The following UFSP2 variants were observed in gnomAD, a reference collection of about 807,000 sequenced individuals.
The protein encoded by UFSP2 is UFM1 specific peptidase 2, also known as ufm1-specific protease 2.
Under a neutral mutation model 60.2 loss-of-function variants are expected in UFSP2, and 43 were observed. That is an observed-to-expected ratio of 0.71 (90% CI 0.56 to 0.92). The LOEUF (loss-of-function observed/expected upper bound fraction) is 0.92. Among genes scored for constraint, UFSP2 ranks in the 40% least tolerant of loss-of-function variants. The pLI is 0.00. For missense variants in UFSP2, 520 were observed against 575.0 expected (o/e 0.90, Z 0.98); for synonymous variants, 183 against 195.1 (o/e 0.94, Z 0.52).
In UFSP2 at chr4:185,418,509, T is replaced by G; in HGVS notation, c.267-2A>C. On this transcript the variant is annotated splice_acceptor_variant, in intron 3 of 11. Coordinates refer to ENST00000264689, the MANE Select transcript of UFSP2 (RefSeq NM_018359.5). LOFTEE classifies it high-confidence loss of function. ...TTTATATCTTCTTCTGGCTCAAATC[T>G]AAATTTTTAATACACAGACATTTAT... is the stretch of plus-strand genomic sequence containing the variant. 6.2e-7 allele frequency: 1 copy of G among 1,611,432 alleles called. No homozygotes were observed. The highest frequency in any genetic ancestry group is 8.5e-7 in the Non-Finnish European group (1 of 1,178,924).
intron 11 of UFSP2, chr4:185,402,254 C>T (rs761344399): frequency 6.6e-6 from 3 of 452,254 alleles, no homozygotes; most frequent in Non-Finnish European, 1.3e-5. Flanking sequence ...ATGGAATGAA[C>T]ACCTTGCTAC....
At chr4:185,425,346 T>G (rs567961495) in intron 1 of UFSP2, among the ~76,000 whole-genome samples, 12 of 152,168 alleles carry the variant, frequency 7.9e-5, no homozygotes, top group Admixed American at 4.6e-4. Context: ...GAGGCACGGT[T>G]AGCAGATTTG....
In UFSP2 at chr4:185,415,290, A is replaced by G. The variant is rs1249907554; in HGVS notation, c.549T>C (p.Cys183=). ...IHNQLTDMEK[C]ILKYMKGTSI... The stretch of plus-strand genomic sequence containing the variant: ...ATGTTCCTTTCATATATTTCAAAAT[A>G]CATTTTTCCATGTCAGTTAGTTGAT... Residue 183 remains cysteine (C), a synonymous_variant, in exon 6 of 12, where the codon TGT becomes TGC. Coordinates refer to ENST00000264689, the MANE Select transcript of UFSP2 (RefSeq NM_018359.5). The G allele has an allele frequency of 6.2e-7, 1 of 1,601,948 alleles. No homozygotes were observed. The highest frequency in any genetic ancestry group is 1.3e-5 in the African/African-American group (1 of 74,192).
intron 7 of UFSP2, among the ~76,000 whole-genome samples, chr4:185,409,384 C>T (rs1312266685): frequency 6.6e-6 from 1 of 151,938 alleles, no homozygotes; most frequent in Non-Finnish European, 1.5e-5. Flanking sequence ...GAGATTGGGT[C>T]ACACTATGTT....
At position 185,400,128 on chromosome 4, in the gene UFSP2, C is replaced by A; in HGVS notation, c.*264G>T. On this transcript the variant is annotated 3_prime_UTR_variant, in exon 12 of 12. Transcript: ENST00000264689. Reference sequence around the variant, plus strand: ...GTGTCTAATCTCCTTCTGAGAAGGACGAAAAACTTTCTTCCAAGTGAAGAT... The same window carrying A: ...GTGTCTAATCTCCTTCTGAGAAGGAAGAAAAACTTTCTTCCAAGTGAAGAT... 2.9e-6 allele frequency: 3 copies of A among 1,040,026 alleles called. No individual in the cohort carries two copies. Among genetic ancestry groups the A allele is most frequent in the South Asian group, 1.5e-5 (1 of 66,418 alleles). The allele number at this position is 1,040,026 out of a possible 1,614,324, so 64.4% of individuals were successfully genotyped here. A position where few individuals can be genotyped will look rare whatever the true frequency, so the allele number is the denominator to read the frequency against.
At chr4:185,404,166 C>G (rs181835053) in intron 10 of UFSP2, among the ~76,000 whole-genome samples, 1 of 151,878 alleles carries the variant, frequency 6.6e-6, no homozygotes, top group Admixed American at 6.6e-5. Context: ...CATATAATTA[C>G]CTAAAATGGA....
At chr4:185,401,384 C>CA (rs1290199865) in intron 11 of UFSP2, among the ~76,000 whole-genome samples, 2 of 152,134 alleles carry the variant, frequency 1.3e-5, no homozygotes, top group African/African-American at 4.8e-5. Context: ...TCTTAACAGA[C>CA]AGAGAAAAAA....
At position 185,408,046 on chromosome 4, in the gene UFSP2, G is replaced by A. The variant is rs780061245; in HGVS notation, c.1011C>T (p.Ala337=). ...CGACAAATGTTGCTGGTTTGTCCCC[G>A]GCATCGACTAGAGCCTTGATGTATT... The part of the protein sequence containing the change: ...HREIQQALVD[A]GDKPATFVGS... Residue 337 remains alanine (A), a synonymous_variant, in exon 9 of 12, where the codon GCC becomes GCT. Coordinates refer to ENST00000264689, the MANE Select transcript of UFSP2 (RefSeq NM_018359.5). 15 of 1,613,656 alleles carry A rather than the reference G, an allele frequency of 9.3e-6. No homozygotes were observed. The highest frequency in any genetic ancestry group is 2.2e-5 in the East Asian group (1 of 44,868).
chr4:185,419,899 G>C (rs896419123), intron 2 of UFSP2, among the ~76,000 whole-genome samples: 1 of 152,130 alleles, frequency 6.6e-6, no homozygotes, highest in African/African-American at 2.4e-5. Context: ...TTTCTGTGTG[G>C]ATGTGTTTTC....
chr4:185,416,565 G>C (rs1289626574), intron 4 of UFSP2, among the ~76,000 whole-genome samples: 2 of 152,152 alleles, frequency 1.3e-5, no homozygotes, highest in Non-Finnish European at 2.9e-5. Context: ...AGTGGAACTG[G>C]AGGTATCAAT....
At chr4:185,400,554 T>C in intron 11 of UFSP2, 76 bp from the exon 12 acceptor site, 3 of 1,096,204 alleles carry the variant, frequency 2.7e-6, no homozygotes, top group Non-Finnish European at 4.1e-6. Flanking sequence ...GACATCAGGC[T>C]CTGTCAGCAG....
intron 7 of UFSP2, among the ~76,000 whole-genome samples, chr4:185,409,883 A>G (rs1240747015): frequency 6.6e-6 from 1 of 152,152 alleles, no homozygotes; most frequent in Admixed American, 6.5e-5. Context: ...GCCACAAACC[A>G]AAGGATGCTG....
At chr4:185,418,279 T>C (rs779488669) in intron 4 of UFSP2, among the ~76,000 whole-genome samples, 162 bp downstream of exon 4, 1 of 152,180 alleles carries the variant, frequency 6.6e-6, no homozygotes, top group Admixed American at 6.5e-5. Flanking sequence ...AAAACTTAGA[T>C]AAGTAAGACA....
intron 7 of UFSP2, among the ~76,000 whole-genome samples, chr4:185,409,388 C>G (rs2095525463): frequency 6.6e-6 from 1 of 152,026 alleles, no homozygotes; most frequent in Non-Finnish European, 1.5e-5. Flanking sequence ...TTGGGTCACA[C>G]TATGTTGCTC....
At chr4:185,408,189 G>C in intron 8 of UFSP2, 82 bp downstream of exon 8, 1 of 1,543,680 alleles carries the variant, frequency 6.5e-7, no homozygotes, top group Admixed American at 1.8e-5. Context: ...TCTGCACCAT[G>C]AGGTAACAAA....
chr4:185,425,101 C>T (rs1014797098), intron 1 of UFSP2, among the ~76,000 whole-genome samples: 4 of 152,182 alleles, frequency 2.6e-5, no homozygotes, highest in African/African-American at 9.7e-5. Context: ...TGACAACAGA[C>T]AGACATTTAG....
In UFSP2 at chr4:185,405,195, G is replaced by A. The variant is rs181531821; in HGVS notation, c.1198+585C>T. Among the ~76,000 whole-genome samples the A allele has an allele frequency of 1.5e-3, 222 of 150,088 alleles. 1 individual carries two copies. The highest frequency in any genetic ancestry group is 4.3e-3 in the African/African-American group (175 of 40,820). On this transcript the variant is annotated intron_variant, in intron 10 of 11. Transcript: ENST00000264689. ...GTGTTTTTTTTTTTTTGGTAGAGAC[G>A]CGGTCTGGCCCATGCTGGTCTTGAA... is the stretch of plus-strand genomic sequence containing the variant.
At chr4:185,418,873 T>A in intron 2 of UFSP2, 103 bp from the exon 3 acceptor site, 1 of 832,012 alleles carries the variant, frequency 1.2e-6, no homozygotes, top group Non-Finnish European at 1.7e-6. Flanking sequence ...TCTCAATACC[T>A]ATTCCCCATA....
At chr4:185,406,914 G>A (rs2095521269) in intron 9 of UFSP2, among the ~76,000 whole-genome samples, 2 of 151,292 alleles carry the variant, frequency 1.3e-5, no homozygotes, top group South Asian at 2.1e-4. Flanking sequence ...CATAACCACT[G>A]AGGAAAGGAT....
Sources: gnomAD v4.1 joint callset for allele counts (sites outside exome capture counted in the v4.1 genomes callset) on GRCh38, gnomAD v4.1.1 for gene constraint, MANE v1.5 for transcripts, NCBI Gene and HGNC (gene_info 2026-07-23, HGNC 2026-07-21) for gene names.